RBFOX1: variants seen among roughly 807,000 people sequenced by gnomAD.
RBFOX1 encodes the protein RNA binding fox-1 homolog 1.
RBFOX1 carries 8 observed loss-of-function variants against 57.7 expected under a neutral mutation model. The ratio of observed to expected loss-of-function variants is 0.14; its 90% CI spans 0.08 to 0.25. The LOEUF is 0.25. Ranked by LOEUF, RBFOX1 falls within the 10% of genes least tolerant of loss-of-function variation. RBFOX1 has a pLI of 1.00. For missense variants in RBFOX1, 611 were observed against 548.5 expected (o/e 1.11, Z -1.14); for synonymous variants, 326 against 222.4 (o/e 1.47, Z -4.15).
intron 2 of RBFOX1, among the ~76,000 whole-genome samples, chr16:6,342,852 G>C (rs1311196871): frequency 6.6e-6 from 1 of 152,154 alleles, no homozygotes; most frequent in East Asian, 1.9e-4. Context: ...TTTGGTGTGA[G>C]AGGAATGCTT....
At chr16:5,406,610 T>G (rs2066875021) in intron 1 of RBFOX1, among the ~76,000 whole-genome samples, 1 of 152,118 alleles carries the variant, frequency 6.6e-6, no homozygotes, top group African/African-American at 2.4e-5. Context: ...GTATATATAT[T>G]CACACACACG....
chr16:5,357,685 G>C (rs1312323622), intron 1 of RBFOX1, among the ~76,000 whole-genome samples: 1 of 152,234 alleles, frequency 6.6e-6, no homozygotes, highest in East Asian at 1.9e-4. Context: ...TTTCAGCAGA[G>C]TCTTAAGGCC....
At chr16:7,257,672 G>A (rs1233440231) in intron 4 of RBFOX1, among the ~76,000 whole-genome samples, 1 of 152,048 alleles carries the variant, frequency 6.6e-6, no homozygotes, top group African/African-American at 2.4e-5. Context: ...GCCATCCTTG[G>A]GTCCAGTGTT....
intron 2 of RBFOX1, among the ~76,000 whole-genome samples, chr16:6,360,554 A>G (rs920217268): frequency 6.6e-6 from 1 of 152,200 alleles, no homozygotes; most frequent in African/African-American, 2.4e-5. Context: ...TTTTATAGAA[A>G]TGGCAATGCC....
At position 7,407,154 on chromosome 16, in the gene RBFOX1, G is replaced by T. The variant is rs150096748; in HGVS notation, c.28-110993G>T. ...GTGGTGATTTGTGCGATTTTGGTGTGCCCATCACCAGAGCAGTATACACTG... is the reference window on the plus strand; with the variant it reads ...GTGGTGATTTGTGCGATTTTGGTGTTCCCATCACCAGAGCAGTATACACTG... On this transcript the variant is annotated intron_variant, in intron 4 of 15. Coordinates refer to ENST00000550418, the MANE Select transcript of RBFOX1 (RefSeq NM_018723.4). Among the ~76,000 whole-genome samples, 973 of 152,224 alleles carry T rather than the reference G, an allele frequency of 6.4e-3. 6 individuals are homozygous for T. Among genetic ancestry groups the T allele is most frequent in the Middle Eastern group, 0.017 (5 of 294 alleles).
chr16:5,244,031 G>T (rs2062234073), intron 1 of RBFOX1, among the ~76,000 whole-genome samples: 1 of 151,992 alleles, frequency 6.6e-6, no homozygotes, highest in African/African-American at 2.4e-5. Flanking sequence ...GGAGTAGCTG[G>T]GATTACAGGT....
At chr16:5,363,832 A>C (rs2065624385) in intron 1 of RBFOX1, among the ~76,000 whole-genome samples, 1 of 152,060 alleles carries the variant, frequency 6.6e-6, no homozygotes, top group Non-Finnish European at 1.5e-5. Flanking sequence ...AGCATCTTTC[A>C]TTTCTAGAGT....
chr16:5,382,339 T>C (rs992360642), intron 1 of RBFOX1, among the ~76,000 whole-genome samples: 1 of 152,244 alleles, frequency 6.6e-6, no homozygotes, highest in Non-Finnish European at 1.5e-5. Flanking sequence ...CGGGCTGATA[T>C]TATGTATTAC....
At chr16:7,233,213 C>G (rs1603417719) in intron 4 of RBFOX1, among the ~76,000 whole-genome samples, 1 of 126,748 alleles carries the variant, frequency 7.9e-6, no homozygotes, top group African/African-American at 3.0e-5. Flanking sequence ...CTAAACTCAT[C>G]CTTTTTTTTT....
intron 4 of RBFOX1, among the ~76,000 whole-genome samples, chr16:7,428,494 T>TTATTA (rs2098645152): frequency 4.4e-4 from 57 of 128,714 alleles, no homozygotes; most frequent in African/African-American, 1.4e-3. Context: ...TCCTGGCTAT[T>TTATTA]TTATTATTAT....
chr16:7,281,697 A>G (rs1015815975), intron 4 of RBFOX1, among the ~76,000 whole-genome samples: 2 of 152,156 alleles, frequency 1.3e-5, no homozygotes, highest in Admixed American at 1.3e-4. Context: ...CAGTCATCAT[A>G]AACTGAGTGA....
chr16:7,486,829 G>A (rs13334456), intron 4 of RBFOX1, among the ~76,000 whole-genome samples: 22,423 of 152,096 alleles, frequency 0.15, 2,001 homozygotes, highest in East Asian at 0.37. Context: ...TCCAGCATCC[G>A]TCACCTCCTG....
At chr16:6,934,608 C>T (rs143352105) in intron 3 of RBFOX1, among the ~76,000 whole-genome samples, 3 of 152,150 alleles carry the variant, frequency 2.0e-5, no homozygotes, top group African/African-American at 4.8e-5. Flanking sequence ...ACAGATGGAA[C>T]TGGAGGTCAT....
At chr16:7,327,199 G>A (rs1337054663) in intron 4 of RBFOX1, among the ~76,000 whole-genome samples, 1 of 152,186 alleles carries the variant, frequency 6.6e-6, no homozygotes, top group Non-Finnish European at 1.5e-5. Flanking sequence ...GATCTAAAAG[G>A]AAGAAAGGAA....
chr16:5,930,379 T>G (rs1036302388), intron 4 of RBFOX1, among the ~76,000 whole-genome samples: 1 of 132,424 alleles, frequency 7.6e-6, no homozygotes, highest in African/African-American at 2.9e-5. Context: ...GATGGATGGA[T>G]GCATGGATGG....
At chr16:6,873,326 G>T (rs1050613204) in intron 3 of RBFOX1, among the ~76,000 whole-genome samples, 24 of 152,086 alleles carry the variant, frequency 1.6e-4, no homozygotes, top group Non-Finnish European at 1.6e-4. Context: ...GTTGGAGGGG[G>T]AAAAAGAGTG....
At chr16:7,378,380 C>G (rs1446263897) in intron 4 of RBFOX1, among the ~76,000 whole-genome samples, 3 of 152,114 alleles carry the variant, frequency 2.0e-5, no homozygotes, top group Admixed American at 1.3e-4. Context: ...CCTCACGAAA[C>G]CAAGCCCCCT....
rs143071805 is a variant in RBFOX1 at position 7,219,306 on chromosome 16, A to T, written c.27+167208A>T. Reference sequence around the variant, plus strand: ...AAAGTTAAGGACTGTAAGACACAGCAAATAAATAGAGATGCTTTTAATGAG... The same window carrying T: ...AAAGTTAAGGACTGTAAGACACAGCTAATAAATAGAGATGCTTTTAATGAG... On this transcript the variant is annotated intron_variant, in intron 4 of 15. Coordinates refer to ENST00000550418, the MANE Select transcript of RBFOX1 (RefSeq NM_018723.4). Among the ~76,000 whole-genome samples the T allele has an allele frequency of 4.6e-3, 706 of 152,360 alleles. 4 individuals carry two copies. Among genetic ancestry groups the T allele is most frequent in the African/African-American group, 0.015 (641 of 41,588 alleles).
chr16:7,141,199 C>T (rs756775036), intron 4 of RBFOX1, among the ~76,000 whole-genome samples: 14 of 152,216 alleles, frequency 9.2e-5, no homozygotes, highest in Middle Eastern at 3.4e-3. Context: ...GGGAGGAGGC[C>T]GGGAAATAAT....
Sources: allele counts gnomAD v4.1 joint callset (sites outside exome capture counted in the v4.1 genomes callset), GRCh38; gene constraint gnomAD v4.1.1; transcripts MANE v1.5; gene names NCBI Gene and HGNC (gene_info 2026-07-23, HGNC 2026-07-21).